The following SLC36A1 variants were observed in gnomAD, a reference collection of about 807,000 sequenced individuals.
SLC36A1 encodes the protein proton-coupled amino acid transporter 1.
A neutral mutation model predicts 47.5 loss-of-function variants in SLC36A1; 30 were observed. That is an observed-to-expected ratio of 0.63 (90% CI 0.47 to 0.86). SLC36A1 has a LOEUF of 0.86. Ranked by LOEUF, SLC36A1 falls within the 40% of genes least tolerant of loss-of-function variation. The pLI, the probability that SLC36A1 is intolerant of heterozygous loss-of-function variation, is 0.00. For missense variants in SLC36A1, 517 were observed against 606.0 expected (o/e 0.85, Z 1.54); for synonymous variants, 255 against 249.7 (o/e 1.02, Z -0.20).
At chr5:151,534,417 G>A in the SLC36A1 span, 2 of 1,606,268 alleles carry the variant, frequency 1.2e-6, no homozygotes, top group African/African-American at 2.7e-5. Context: ...ACCTTGGTCG[G>A]GATCCCGGGC....
the SLC36A1 span, among the ~76,000 whole-genome samples, chr5:151,407,235 A>G: frequency 1.3e-5 from 2 of 152,350 alleles, no homozygotes; most frequent in East Asian, 1.9e-4. Context: ...TGCTGGCTCT[A>G]GTGGCCAGCT....
chr5:151,365,217 C>T, the SLC36A1 span, among the ~76,000 whole-genome samples: 2 of 152,184 alleles, frequency 1.3e-5, no homozygotes, highest in African/African-American at 4.8e-5. Context: ...CCACTGTCTC[C>T]AGCTAGCTAG....
the SLC36A1 span, among the ~76,000 whole-genome samples, chr5:151,364,418 G>A: frequency 2.0e-5 from 3 of 152,088 alleles, no homozygotes; most frequent in African/African-American, 7.2e-5. Flanking sequence ...CAAAGTGATT[G>A]TCCCATTTTA....
the SLC36A1 span, among the ~76,000 whole-genome samples, chr5:151,499,988 T>A: frequency 6.6e-6 from 1 of 152,034 alleles, no homozygotes; most frequent in African/African-American, 2.4e-5. Flanking sequence ...GCCCCAAAAG[T>A]GGATGTAGGG....
the SLC36A1 span, among the ~76,000 whole-genome samples, chr5:151,358,949 C>T: frequency 7.0e-6 from 1 of 142,050 alleles, no homozygotes; most frequent in Non-Finnish European, 1.5e-5. Context: ...AGTCCGCAGT[C>T]CGGCCTGGGC....
At chr5:151,398,580 G>A in the SLC36A1 span, among the ~76,000 whole-genome samples, 2 of 152,278 alleles carry the variant, frequency 1.3e-5, no homozygotes, top group Non-Finnish European at 2.9e-5. Flanking sequence ...AGCTCCAATT[G>A]CTCATCCTTT....
the SLC36A1 span, among the ~76,000 whole-genome samples, chr5:151,420,686 AAAGT>A: frequency 6.6e-6 from 1 of 152,170 alleles, no homozygotes; most frequent in Non-Finnish European, 1.5e-5. Flanking sequence ...AGAAGTCTAT[AAAGT>A]AAGAAAGGAA....
the SLC36A1 span, among the ~76,000 whole-genome samples, chr5:151,417,814 CA>C: frequency 6.6e-6 from 1 of 152,198 alleles, no homozygotes; most frequent in Admixed American, 6.5e-5. Context: ...AATAAGGAGC[CA>C]AATGTTAATC....
At chr5:151,512,208 G>A in the SLC36A1 span, 1 of 1,614,106 alleles carries the variant, frequency 6.2e-7, no homozygotes, top group African/African-American at 1.3e-5. This position sits in a 1 kb window ranked among gnomAD's most constrained non-coding sequence, Gnocchi z 4.1. Context: ...TGAGGCATGT[G>A]TTCTGGCTGC....
chr5:151,354,528 T>C, the SLC36A1 span, among the ~76,000 whole-genome samples: 1 of 152,146 alleles, frequency 6.6e-6, no homozygotes, highest in African/African-American at 2.4e-5. Flanking sequence ...TGAGCTAAAA[T>C]GGTTTTAGAG....
the SLC36A1 span, chr5:151,521,862 G>A: frequency 4.3e-6 from 7 of 1,614,098 alleles, no homozygotes; most frequent in East Asian, 1.3e-4. Flanking sequence ...CCACTGAGAA[G>A]TGCCTGCCCA....
At chr5:151,431,223 A>G in the SLC36A1 span, 5 of 152,172 alleles carry the variant, frequency 3.3e-5, no homozygotes, top group African/African-American at 9.7e-5. Context: ...AAATTCCACA[A>G]AAGTTTTCAG....
At chr5:151,421,882 G>A in the SLC36A1 span, among the ~76,000 whole-genome samples, 4 of 152,130 alleles carry the variant, frequency 2.6e-5, no homozygotes, top group South Asian at 2.1e-4. Context: ...GAGCCACCGC[G>A]CCCGGCTGTC....
chr5:151,489,750 C>G lies in SLC36A1; in HGVS notation c.*1496C>G, dbSNP rs1256880424. On this transcript the variant is annotated 3_prime_UTR_variant, in exon 11 of 11. Transcript: ENST00000243389. The surrounding 1 kb of genome is among the most constrained non-coding windows in gnomAD (Gnocchi z 4.5). Reference sequence around the variant, plus strand: ...TTGGTGTGCGAAGTATTTCAGAAGGCCATTGATGAATTCCCCCTCTTTAGC... The same window carrying G: ...TTGGTGTGCGAAGTATTTCAGAAGGGCATTGATGAATTCCCCCTCTTTAGC... The G allele has an allele frequency of 1.3e-5, 2 of 152,162 alleles. No individual in the cohort carries two copies. Among genetic ancestry groups the G allele is most frequent in the African/African-American group, 4.8e-5 (2 of 41,418 alleles). 9.4% of individuals were successfully genotyped at this position (152,162 alleles called of 1,614,324 possible).
At chr5:151,519,274 G>A in the SLC36A1 span, among the ~76,000 whole-genome samples, 1 of 152,218 alleles carries the variant, frequency 6.6e-6, no homozygotes, top group Non-Finnish European at 1.5e-5. Context: ...AACCTGGGAG[G>A]TGGAAGTTGC....
chr5:151,510,047 G>C, the SLC36A1 span: 1 of 1,614,140 alleles, frequency 6.2e-7, no homozygotes, highest in Non-Finnish European at 8.5e-7. Context: ...GATGAGGGCA[G>C]TTACAGGAAG....
the SLC36A1 span, chr5:151,537,980 T>A: frequency 3.7e-6 from 6 of 1,603,798 alleles, no homozygotes; most frequent in South Asian, 6.7e-5. Flanking sequence ...AGGGAGACTG[T>A]GGGGACTGCA....
the SLC36A1 span, chr5:151,537,644 C>T: frequency 5.9e-6 from 4 of 675,622 alleles, no homozygotes; most frequent in South Asian, 2.8e-5. Flanking sequence ...ATTATGTCCC[C>T]AGTACAATGC....
At chr5:151,496,313 G>A (rs10062035), downstream of SLC36A1, among the ~76,000 whole-genome samples, 5,783 of 152,234 alleles carry the variant, frequency 0.038, 347 homozygotes, top group African/African-American at 0.13. Flanking sequence ...CAGCTATGTG[G>A]AACTGTAAAT....
Sources: gnomAD v4.1 joint callset for allele counts (sites outside exome capture counted in the v4.1 genomes callset) on GRCh38, gnomAD v4.1.1 for gene constraint, Gnocchi (gnomAD v3.1) non-coding constraint, MANE v1.5 for transcripts, NCBI Gene and HGNC (gene_info 2026-07-23, HGNC 2026-07-21) for gene names.